PDS5A: variants seen among roughly 807,000 people sequenced by gnomAD.
PDS5A encodes sister chromatid cohesion protein PDS5 homolog A.
In PDS5A, 42 loss-of-function variants were observed where a neutral mutation model predicts 167.1. The ratio of observed to expected loss-of-function variants is 0.25; its 90% CI spans 0.20 to 0.33. PDS5A has a LOEUF of 0.33. PDS5A is among the 10% of genes least tolerant of loss of function. PDS5A has a pLI of 1.00. For missense variants in PDS5A, 1,033 were observed against 1,605.9 expected (o/e 0.64, Z 6.10); for synonymous variants, 553 against 554.6 (o/e 1.00, Z 0.04).
chr4:39,854,178 C>G (rs983571914), intron 26 of PDS5A, among the ~76,000 whole-genome samples: 4 of 152,102 alleles, frequency 2.6e-5, no homozygotes, highest in Non-Finnish European at 4.4e-5. Context: ...TGGTGCATGC[C>G]TGTAGTCCCA....
At chr4:39,947,129 T>A (rs1405427665) in intron 2 of PDS5A, among the ~76,000 whole-genome samples, 1 of 152,014 alleles carries the variant, frequency 6.6e-6, no homozygotes, top group Non-Finnish European at 1.5e-5. Flanking sequence ...CCTATTTCTA[T>A]ACACTTGGAA....
At position 39,925,889 on chromosome 4, in the gene PDS5A, T is replaced by C. The variant is rs934997608; in HGVS notation, c.474A>G (p.Glu158=). ...VKSYNICFEL[E]DCNEIFIQLF... is the part of the protein sequence containing the mutation. ...GCTGAATAAAAATTTCATTGCAATCTTCCAATTCAAAGCAGATGTTATATG... is the reference window on the plus strand; with the variant it reads ...GCTGAATAAAAATTTCATTGCAATCCTCCAATTCAAAGCAGATGTTATATG... The change falls in exon 5 of 33, where the codon GAA becomes GAG. Residue 158 remains glutamate (E), a synonymous_variant. Coordinates refer to ENST00000303538, the MANE Select transcript of PDS5A (RefSeq NM_001100399.2). The C allele has an allele frequency of 1.2e-5, 18 of 1,514,596 alleles. No individual in the cohort carries two copies. The highest frequency in any genetic ancestry group is 1.4e-5 in the Non-Finnish European group (15 of 1,107,112). 93.8% of individuals were successfully genotyped at this position (1,514,596 alleles called of 1,614,324 possible).
intron 2 of PDS5A, among the ~76,000 whole-genome samples, chr4:39,944,416 G>C (rs1328661145): frequency 6.6e-6 from 1 of 151,976 alleles, no homozygotes; most frequent in East Asian, 1.9e-4. Context: ...GAGTGTGGCG[G>C]GGCACAGTGG....
At chr4:39,951,843 T>C (rs945344694) in intron 2 of PDS5A, among the ~76,000 whole-genome samples, 3 of 133,234 alleles carry the variant, frequency 2.3e-5, no homozygotes, top group African/African-American at 8.6e-5. Context: ...GAGGTTACAG[T>C]GAGCCAAGAT....
At chr4:39,853,834 C>G (rs1391901868) in intron 26 of PDS5A, among the ~76,000 whole-genome samples, 1 of 152,192 alleles carries the variant, frequency 6.6e-6, no homozygotes, top group Non-Finnish European at 1.5e-5. Flanking sequence ...TGGCTTTCAC[C>G]TGCATTGCTT....
At chr4:39,909,956 A>C (rs552390748) in intron 10 of PDS5A, 42 of 245,558 alleles carry the variant, frequency 1.7e-4, no homozygotes, top group Admixed American at 6.3e-4. Context: ...GAAGATTTTA[A>C]GCTGGGCATT....
In PDS5A at chr4:39,922,350, C is replaced by T. The variant is rs186829842; in HGVS notation, c.654+272G>A. Reference sequence around the variant, plus strand: ...TAACCAAAAGGCAACACCCCTAACCCCTTACAATTCTCAGATTATTTGTGT... The same window carrying T: ...TAACCAAAAGGCAACACCCCTAACCTCTTACAATTCTCAGATTATTTGTGT... On this transcript the variant is annotated intron_variant, in intron 6 of 32. Transcript: ENST00000303538. Among the ~76,000 whole-genome samples the T allele has an allele frequency of 5.8e-4, 89 of 152,212 alleles. No individual in the cohort carries two copies. In the East Asian group the frequency reaches 0.015, roughly 26 times the overall value.
chr4:39,873,211 G>T, intron 20 of PDS5A, 67 bp from the exon 21 acceptor site: 1 of 987,018 alleles, frequency 1.0e-6, no homozygotes, highest in Non-Finnish European at 1.4e-6. Context: ...TACTGAAACA[G>T]TACATTTTCC....
At chr4:39,859,471 A>G (rs1236432574) in intron 26 of PDS5A, among the ~76,000 whole-genome samples, 1 of 152,174 alleles carries the variant, frequency 6.6e-6, no homozygotes, top group Non-Finnish European at 1.5e-5. Context: ...GGAACTTCAA[A>G]TTACATGGTA....
intron 31 of PDS5A, among the ~76,000 whole-genome samples, chr4:39,841,335 C>T (rs1034643894): frequency 1.3e-5 from 2 of 151,778 alleles, no homozygotes; most frequent in Non-Finnish European, 2.9e-5. Context: ...GACGGGGTTT[C>T]GCCATGTTGG....
intron 2 of PDS5A, among the ~76,000 whole-genome samples, chr4:39,940,496 A>G (rs893209754): frequency 2.0e-5 from 3 of 152,196 alleles, no homozygotes; most frequent in Non-Finnish European, 4.4e-5. Flanking sequence ...CTAAAGATAT[A>G]TAAGAATTTT....
intron 28 of PDS5A, chr4:39,847,331 T>C (rs1376443105): frequency 6.6e-6 from 1 of 152,164 alleles, no homozygotes; most frequent in Non-Finnish European, 1.5e-5. Context: ...TCTTATAGGC[T>C]GGGCATGGTG....
chr4:39,859,513 G>A (rs928021929), intron 26 of PDS5A, among the ~76,000 whole-genome samples: 4 of 152,162 alleles, frequency 2.6e-5, no homozygotes, highest in Admixed American at 6.5e-5. Flanking sequence ...ATACACAAAA[G>A]TGGAAATGAT....
chr4:39,922,017 A>G (rs1725027681), intron 6 of PDS5A, among the ~76,000 whole-genome samples: 1 of 152,238 alleles, frequency 6.6e-6, no homozygotes, highest in Admixed American at 6.5e-5. Context: ...AGAAGAAAAG[A>G]GCAGGAGAGC....
At chr4:39,945,883 A>C (rs1449693221) in intron 2 of PDS5A, among the ~76,000 whole-genome samples, 1 of 152,132 alleles carries the variant, frequency 6.6e-6, no homozygotes, top group Non-Finnish European at 1.5e-5. Flanking sequence ...AGTTTTTCTA[A>C]GGTTAAACGG....
intron 16 of PDS5A, among the ~76,000 whole-genome samples, chr4:39,893,205 G>GC (rs1191758662): frequency 1.3e-5 from 2 of 152,142 alleles, no homozygotes; most frequent in Admixed American, 6.6e-5. Context: ...TGAAGCTATG[G>GC]CAAGTATGTG....
intron 2 of PDS5A, among the ~76,000 whole-genome samples, chr4:39,944,155 G>C (rs1204535343): frequency 6.9e-6 from 1 of 145,682 alleles, no homozygotes; most frequent in Non-Finnish European, 1.5e-5. Flanking sequence ...GTCCAGCCTG[G>C]GAAACAGAGT....
intron 6 of PDS5A, among the ~76,000 whole-genome samples, chr4:39,921,487 G>C (rs1724958432): frequency 6.6e-6 from 1 of 151,020 alleles, no homozygotes; most frequent in Non-Finnish European, 1.5e-5. Context: ...TGTAATCTCA[G>C]CACTTCGGGA....
chr4:39,854,676 C>A (rs1334933174), intron 26 of PDS5A, among the ~76,000 whole-genome samples: 2 of 152,156 alleles, frequency 1.3e-5, no homozygotes, highest in Admixed American at 6.5e-5. Flanking sequence ...TTGTAACCAC[C>A]TCTTTATCTT....
Sources: allele counts gnomAD v4.1 joint callset (sites outside exome capture counted in the v4.1 genomes callset), GRCh38; gene constraint gnomAD v4.1.1; transcripts MANE v1.5; gene names NCBI Gene and HGNC (gene_info 2026-07-23, HGNC 2026-07-21).